The following ATXN7L1 variants were observed in gnomAD, a reference collection of about 807,000 sequenced individuals.
ATXN7L1 encodes the protein ataxin-7-like protein 1.
A neutral mutation model predicts 70.8 loss-of-function variants in ATXN7L1; 15 were observed. The observed-to-expected ratio is 0.21, with a 90% CI of 0.14 to 0.33. The LOEUF is 0.33. Ranked by LOEUF, ATXN7L1 falls within the 10% of genes least tolerant of loss-of-function variation. The pLI, the probability that ATXN7L1 is intolerant of heterozygous loss-of-function variation, is 1.00. For missense variants in ATXN7L1, 975 were observed against 1,097.1 expected (o/e 0.89, Z 1.57); for synonymous variants, 440 against 445.1 (o/e 0.99, Z 0.14).
At chr7:105,858,010 T>C (rs184751852) in intron 2 of ATXN7L1, among the ~76,000 whole-genome samples, 117 of 152,086 alleles carry the variant, frequency 7.7e-4, no homozygotes, top group South Asian at 1.9e-3. Flanking sequence ...GGCAGGAGGA[T>C]TGCTTAGGCC....
intron 2 of ATXN7L1, among the ~76,000 whole-genome samples, chr7:105,809,917 C>T (rs960163453): frequency 6.6e-6 from 1 of 152,194 alleles, no homozygotes. Flanking sequence ...ACGAAAGGCA[C>T]ATGCCACCAC....
chr7:105,848,680 TC>T (rs1275108603), intron 2 of ATXN7L1, among the ~76,000 whole-genome samples: 4 of 152,216 alleles, frequency 2.6e-5, no homozygotes. Context: ...CTAGCTTTTT[TC>T]TTCTTTTGTT....
chr7:105,733,566 CCTT>C lies in ATXN7L1; in HGVS notation c.355+55035_355+55037del, dbSNP rs1261376519. On this transcript the variant is annotated intron_variant, in intron 3 of 11. Coordinates refer to ENST00000419735, the MANE Select transcript of ATXN7L1 (RefSeq NM_020725.2). ...CCCATCCATCCATCCACCCATCCAT[CCTT>C]CCATCCATCCACCCATCCATCCATC... 1.3e-4 allele frequency among the ~76,000 whole-genome samples: 6 copies of C among 46,974 alleles called. 1 individual carries two copies. The highest frequency in any genetic ancestry group is 5.8e-4 in the East Asian group (1 of 1,710). The allele number at this position is 46,974 out of a possible 152,430, so 30.8% of individuals were successfully genotyped here.
chr7:105,752,072 C>T (rs1799285413), intron 3 of ATXN7L1, among the ~76,000 whole-genome samples: 1 of 152,244 alleles, frequency 6.6e-6, no homozygotes, highest in Admixed American at 6.5e-5. Context: ...GCTGGTTAAG[C>T]AGCTTCTACA....
At chr7:105,707,888 T>A (rs1793380025) in intron 3 of ATXN7L1, among the ~76,000 whole-genome samples, 1 of 152,264 alleles carries the variant, frequency 6.6e-6, no homozygotes, top group Non-Finnish European at 1.5e-5. Context: ...ATGGGCAAAG[T>A]TGCAGTGAAG....
intron 3 of ATXN7L1, among the ~76,000 whole-genome samples, chr7:105,779,721 T>G (rs1188880148): frequency 1.3e-5 from 2 of 152,248 alleles, no homozygotes; most frequent in African/African-American, 4.8e-5. Context: ...GAGTTAATTC[T>G]GGATTTGGGA....
chr7:105,744,674 A>C (rs888202887), intron 3 of ATXN7L1, among the ~76,000 whole-genome samples: 3 of 151,850 alleles, frequency 2.0e-5, no homozygotes, highest in Non-Finnish European at 4.4e-5. Flanking sequence ...TGAATGACAG[A>C]GACTGAAGAG....
At chr7:105,711,308 G>A (rs1793887087) in intron 3 of ATXN7L1, among the ~76,000 whole-genome samples, 1 of 152,108 alleles carries the variant, frequency 6.6e-6, no homozygotes, top group Non-Finnish European at 1.5e-5. Context: ...TTCTCACACT[G>A]CAAAATACAA....
At chr7:105,778,795 T>C (rs1331961829) in intron 3 of ATXN7L1, among the ~76,000 whole-genome samples, 1 of 152,234 alleles carries the variant, frequency 6.6e-6, no homozygotes, top group African/African-American at 2.4e-5. Flanking sequence ...CCATCTCTTC[T>C]ACAAGCTTCC....
At chr7:105,743,023 A>C (rs1798188632) in intron 3 of ATXN7L1, among the ~76,000 whole-genome samples, 1 of 152,142 alleles carries the variant, frequency 6.6e-6, no homozygotes, top group African/African-American at 2.4e-5. Context: ...CCAACCTCTG[A>C]AGGTCAAGCT....
chr7:105,620,827 G>A (rs1208731995), intron 8 of ATXN7L1, among the ~76,000 whole-genome samples: 1 of 151,744 alleles, frequency 6.6e-6, no homozygotes, highest in Non-Finnish European at 1.5e-5. Context: ...CCTGGGAGGT[G>A]GAGGTTGCAG....
chr7:105,770,753 G>A (rs1801873552), intron 3 of ATXN7L1, among the ~76,000 whole-genome samples: 1 of 152,164 alleles, frequency 6.6e-6, no homozygotes. Context: ...CCTTCAAAGA[G>A]AAAGTTTCTT....
intron 3 of ATXN7L1, among the ~76,000 whole-genome samples, chr7:105,716,714 C>T (rs1032195647): frequency 1.6e-5 from 2 of 125,692 alleles, no homozygotes; most frequent in Admixed American, 1.7e-4. Context: ...CACACACACA[C>T]ACACACAGTA....
chr7:105,704,397 C>T (rs1004019163), intron 3 of ATXN7L1, among the ~76,000 whole-genome samples: 2 of 152,158 alleles, frequency 1.3e-5, no homozygotes, highest in Non-Finnish European at 2.9e-5. Context: ...CTAATGAGAA[C>T]TGATCTGCAC....
chr7:105,610,676 C>T (rs1231606427), intron 10 of ATXN7L1, 73 bp from the exon 11 acceptor site: 2 of 1,324,984 alleles, frequency 1.5e-6, no homozygotes, highest in African/African-American at 2.9e-5. Context: ...GCCACATGTT[C>T]TAGGGGAAAG....
At chr7:105,766,306 A>G (rs1055759649) in intron 3 of ATXN7L1, among the ~76,000 whole-genome samples, 9 of 152,130 alleles carry the variant, frequency 5.9e-5, no homozygotes, top group African/African-American at 1.9e-4. Context: ...CAGTGCGTGC[A>G]ACGTGAAGGA....
In ATXN7L1 at chr7:105,642,930, A is replaced by G; in HGVS notation, c.770T>C (p.Ile257Thr). 6.4e-7 allele frequency: 1 copy of G among 1,551,662 alleles called. No homozygotes were observed. The highest frequency in any genetic ancestry group is 8.7e-7 in the Non-Finnish European group (1 of 1,146,994). ...SKSVPPSPEKILNGKGILPTT... is the reference protein window; with the variant it reads ...SKSVPPSPEKTLNGKGILPTT... ...TGGCAGAATTCCTTTGCCATTTAAG[A>G]TCTTCTCTGGTGAAGGTGGCACTGA... Residue 257 changes from isoleucine to threonine, a missense_variant, in exon 5 of 12, where the codon ATC becomes ACC. By Grantham distance (89) the Ile-to-Thr change is moderately conservative (BLOSUM62 -1). Coordinates refer to ENST00000419735, the MANE Select transcript of ATXN7L1 (RefSeq NM_020725.2).
In ATXN7L1 at chr7:105,613,627, CAGTG is replaced by C. The variant is rs1793380648; in HGVS notation, c.2472+231_2472+234del. ...ACTGCACTGGGGTGTCGTGAGGACT[CAGTG>C]AGGTAATAACCGTAAAGTGCCGAGA... On this transcript the variant is annotated intron_variant, in intron 10 of 11. Coordinates refer to ENST00000419735, the MANE Select transcript of ATXN7L1 (RefSeq NM_020725.2). The C allele has an allele frequency of 4.3e-6, 6 of 1,398,926 alleles. No homozygotes were observed. In the East Asian group the frequency reaches 1.5e-4, roughly 36 times the overall value. 86.7% of individuals were successfully genotyped at this position (1,398,926 alleles called of 1,614,324 possible).
At chr7:105,864,422 A>C (rs1459758734) in intron 2 of ATXN7L1, among the ~76,000 whole-genome samples, 1 of 127,724 alleles carries the variant, frequency 7.8e-6, no homozygotes, top group Non-Finnish European at 1.6e-5. Context: ...ATGCCACTGC[A>C]CTCCAGCCTG....
Sources: gnomAD v4.1 joint callset for allele counts (sites outside exome capture counted in the v4.1 genomes callset) on GRCh38, gnomAD v4.1.1 for gene constraint, MANE v1.5 for transcripts, NCBI Gene and HGNC (gene_info 2026-07-23, HGNC 2026-07-21) for gene names.